NUBPL: variants seen among roughly 807,000 people sequenced by gnomAD.
The protein encoded by NUBPL is NUBP iron-sulfur cluster assembly factor, mitochondrial.
In NUBPL, 31 loss-of-function variants were observed where a neutral mutation model predicts 45.7. The ratio of observed to expected loss-of-function variants is 0.68; its 90% CI spans 0.51 to 0.92. NUBPL has a LOEUF of 0.92. Among genes scored for constraint, NUBPL ranks in the 40% least tolerant of loss-of-function variants. NUBPL has a pLI of 0.00. For synonymous variants in NUBPL, 144 were observed against 140.9 expected, an observed-to-expected ratio of 1.02 and a Z score of -0.15; for missense variants, 401 against 398.7, an observed-to-expected ratio of 1.01 and a Z score of -0.05.
chr14:31,744,474 G>A (rs1285497840), intron 6 of NUBPL, among the ~76,000 whole-genome samples: 1 of 151,840 alleles, frequency 6.6e-6, no homozygotes, highest in Non-Finnish European at 1.5e-5. Context: ...AAAAATAAAC[G>A]CCACAAAAAG....
At chr14:31,841,769 T>A (rs1310106814) in intron 8 of NUBPL, among the ~76,000 whole-genome samples, 1 of 151,982 alleles carries the variant, frequency 6.6e-6, no homozygotes, top group African/African-American at 2.4e-5. Flanking sequence ...CATATTTAGC[T>A]CTAAAATTCA....
intron 7 of NUBPL, among the ~76,000 whole-genome samples, chr14:31,826,013 G>A (rs1015033576): frequency 6.6e-5 from 10 of 151,974 alleles, no homozygotes; most frequent in African/African-American, 2.4e-4. Flanking sequence ...TGAAAGTAAA[G>A]CCTAGCTTGT....
At chr14:31,783,806 C>T (rs991220163) in intron 6 of NUBPL, among the ~76,000 whole-genome samples, 2 of 152,146 alleles carry the variant, frequency 1.3e-5, no homozygotes, top group Non-Finnish European at 2.9e-5. Flanking sequence ...GCATGAGCCA[C>T]CACACCTGGC....
chr14:31,641,093 A>C (rs2139699322), intron 4 of NUBPL, among the ~76,000 whole-genome samples: 1 of 152,252 alleles, frequency 6.6e-6, no homozygotes, highest in Non-Finnish European at 1.5e-5. Flanking sequence ...CTGGGACTAC[A>C]GGTGTGCACC....
intron 4 of NUBPL, among the ~76,000 whole-genome samples, chr14:31,610,277 A>G (rs1207214047): frequency 6.8e-6 from 1 of 147,454 alleles, no homozygotes; most frequent in African/African-American, 2.7e-5. Flanking sequence ...GGCTACTGTG[A>G]GTAAGTACAT....
rs544676044 is a variant in NUBPL at position 31,650,435 on chromosome 14, G to A, written c.383-22920G>A. 2.5e-3 allele frequency among the ~76,000 whole-genome samples: 383 copies of A among 151,784 alleles called. 1 individual carries two copies. Among genetic ancestry groups the A allele is most frequent in the African/African-American group, 8.4e-3 (348 of 41,362 alleles). ...CTCCGAGGTAGCTGGGACTACAGGC[G>A]CCCGCCACCACACCCGGCTAATTTT... On this transcript the variant is annotated intron_variant, in intron 4 of 10. Transcript: ENST00000281081.
At chr14:31,779,968 C>A (rs555637564) in intron 6 of NUBPL, among the ~76,000 whole-genome samples, 2 of 152,250 alleles carry the variant, frequency 1.3e-5, no homozygotes, top group South Asian at 2.1e-4. Flanking sequence ...TGAAGCCAGG[C>A]ATTTTATTCA....
chr14:31,787,564 G>T (rs1044986134), intron 6 of NUBPL, among the ~76,000 whole-genome samples: 1 of 152,182 alleles, frequency 6.6e-6, no homozygotes, highest in Non-Finnish European at 1.5e-5. Context: ...GAGTCATCTG[G>T]AAATTTAAAC....
chr14:31,830,176 C>T (rs2040167040), intron 8 of NUBPL, among the ~76,000 whole-genome samples: 1 of 152,148 alleles, frequency 6.6e-6, no homozygotes, highest in African/African-American at 2.4e-5. Flanking sequence ...CATAAGGGAT[C>T]ACTTAGTTAC....
intron 10 of NUBPL, 111 bp downstream of exon 10, chr14:31,850,312 A>G (rs1234799068): frequency 2.4e-6 from 2 of 817,980 alleles, no homozygotes; most frequent in South Asian, 2.9e-5. Context: ...ATATATTTAA[A>G]CAAGGATTAT....
chr14:31,814,551 G>C (rs1417729645), intron 7 of NUBPL, among the ~76,000 whole-genome samples: 2 of 151,580 alleles, frequency 1.3e-5, no homozygotes, highest in African/African-American at 4.9e-5. Context: ...CATCCCATTT[G>C]TCAATATTGG....
At chr14:31,854,232 T>C (rs116573788) in intron 10 of NUBPL, among the ~76,000 whole-genome samples, 2,133 of 152,276 alleles carry the variant, frequency 0.014, 34 homozygotes, top group African/African-American at 0.043. Flanking sequence ...TAGCGGACAG[T>C]AGGGTCCAAC....
At chr14:31,598,705 T>C (rs1001642257) in intron 3 of NUBPL, among the ~76,000 whole-genome samples, 61 of 152,206 alleles carry the variant, frequency 4.0e-4, no homozygotes, top group Admixed American at 2.5e-3. Context: ...TTGTATTTAA[T>C]TGTGACTTGC....
chr14:31,645,773 C>A (rs1419655373), intron 4 of NUBPL, among the ~76,000 whole-genome samples: 4 of 89,540 alleles, frequency 4.5e-5, no homozygotes, highest in African/African-American at 1.6e-4. Context: ...CTATACTTTA[C>A]ACCCCCCCCC....
chr14:31,822,798 T>C (rs2040039810), intron 7 of NUBPL, among the ~76,000 whole-genome samples: 2 of 152,170 alleles, frequency 1.3e-5, no homozygotes, highest in South Asian at 4.1e-4. Flanking sequence ...AAGATGATCA[T>C]TGTCCTTGTC....
At chr14:31,836,983 T>C (rs2040291511) in intron 8 of NUBPL, among the ~76,000 whole-genome samples, 1 of 152,202 alleles carries the variant, frequency 6.6e-6, no homozygotes, top group South Asian at 2.1e-4. Flanking sequence ...GTAATTTCAA[T>C]TAAAAGCACA....
chr14:31,800,876 T>A (rs1313814247), intron 7 of NUBPL: 1 of 152,204 alleles, frequency 6.6e-6, no homozygotes, highest in Non-Finnish European at 1.5e-5. Flanking sequence ...AAGTGCTGTA[T>A]TAGTCAGAGT....
intron 6 of NUBPL, among the ~76,000 whole-genome samples, chr14:31,770,776 T>G (rs1229736442): frequency 1.3e-5 from 2 of 152,186 alleles, no homozygotes; most frequent in Non-Finnish European, 2.9e-5. Context: ...CAAGGGCAGT[T>G]TGGAGGTTAA....
chr14:31,627,932 A>T (rs1282744554), intron 4 of NUBPL, among the ~76,000 whole-genome samples: 2 of 152,214 alleles, frequency 1.3e-5, no homozygotes, highest in African/African-American at 4.8e-5. Flanking sequence ...TTAATGAAAA[A>T]TAACTATTTT....
Sources: gnomAD v4.1 joint callset for allele counts (sites outside exome capture counted in the v4.1 genomes callset) on GRCh38, gnomAD v4.1.1 for gene constraint, MANE v1.5 for transcripts, NCBI Gene and HGNC (gene_info 2026-07-23, HGNC 2026-07-21) for gene names.